Variants in ERBB4 observed in about 807,000 individuals in gnomAD.
The protein encoded by ERBB4 is receptor tyrosine-protein kinase erbB-4.
A neutral mutation model predicts 158.0 loss-of-function variants in ERBB4; 42 were observed. That is an observed-to-expected ratio of 0.27 (90% CI 0.21 to 0.34). ERBB4 has a LOEUF of 0.34. Ranked by LOEUF, ERBB4 falls within the 10% of genes least tolerant of loss-of-function variation. ERBB4 has a pLI of 1.00. For synonymous variants in ERBB4, 583 were observed against 558.7 expected, an observed-to-expected ratio of 1.04 and a Z score of -0.61; for missense variants, 1,333 against 1,624.1, an observed-to-expected ratio of 0.82 and a Z score of 3.08.
At chr2:211,668,728 T>C (rs192140078) in intron 14 of ERBB4, among the ~76,000 whole-genome samples, 85 of 152,298 alleles carry the variant, frequency 5.6e-4, no homozygotes, top group African/African-American at 1.9e-3. Context: ...AGAGATAAGA[T>C]ATGGCTTAAT....
chr2:212,399,900 A>G (rs1331346042), intron 1 of ERBB4, among the ~76,000 whole-genome samples: 1 of 151,818 alleles, frequency 6.6e-6, no homozygotes, highest in African/African-American at 2.4e-5. Context: ...AAAAACAAAC[A>G]AACAAAAAAC....
chr2:212,337,927 T>C (rs540406694), intron 1 of ERBB4, among the ~76,000 whole-genome samples: 1 of 152,188 alleles, frequency 6.6e-6, no homozygotes, highest in South Asian at 2.1e-4. Context: ...TCATAAATCT[T>C]CTCCGGGGAC....
At chr2:211,866,630 G>A (rs1054599299) in intron 3 of ERBB4, among the ~76,000 whole-genome samples, 8 of 151,968 alleles carry the variant, frequency 5.3e-5, no homozygotes, top group Non-Finnish European at 1.2e-4. Flanking sequence ...TATAAATGAA[G>A]ATTTTAATAA....
intron 1 of ERBB4, among the ~76,000 whole-genome samples, chr2:212,466,449 C>T (rs7575120): frequency 0.24 from 36,537 of 152,042 alleles, 4,678 homozygotes; most frequent in African/African-American, 0.28. Context: ...GACTGAATCA[C>T]GGGAGTGGGT....
At chr2:212,513,083 G>A (rs1691616760) in intron 1 of ERBB4, among the ~76,000 whole-genome samples, 1 of 152,048 alleles carries the variant, frequency 6.6e-6, no homozygotes. Context: ...GAGTTTTCCA[G>A]ACTTTAGTTA....
chr2:211,708,640 C>CTT lies in ERBB4; in HGVS notation c.1125-3250_1125-3249insAA, dbSNP rs1227291638. 1.4e-3 allele frequency among the ~76,000 whole-genome samples: 165 copies of CTT among 114,694 alleles called. 6 individuals carry two copies. The highest frequency in any genetic ancestry group is 6.9e-3 in the South Asian group (26 of 3,790). 75.2% of individuals were successfully genotyped at this position (114,694 alleles called of 152,430 possible). A position where few individuals can be genotyped will look rare whatever the true frequency, so the allele number is the denominator to read the frequency against. On this transcript the variant is annotated intron_variant, in intron 9 of 27. Coordinates refer to ENST00000342788, the MANE Select transcript of ERBB4 (RefSeq NM_005235.3). Reference sequence around the variant, plus strand: ...TCTCTCTCTCTCTCTCTCTCTCTCTCTCTCACTATCTTTCCCTCCTTCCCT... The same window carrying CTT: ...TCTCTCTCTCTCTCTCTCTCTCTCTCTTTCTCACTATCTTTCCCTCCTTCCCT...
At chr2:211,917,087 G>T (rs1186402206) in intron 3 of ERBB4, among the ~76,000 whole-genome samples, 1 of 152,136 alleles carries the variant, frequency 6.6e-6, no homozygotes, top group Non-Finnish European at 1.5e-5. Context: ...GGATTTTAAA[G>T]CCAAGATCCT....
At chr2:212,160,868 G>A (rs1462174912) in intron 1 of ERBB4, among the ~76,000 whole-genome samples, 1 of 151,930 alleles carries the variant, frequency 6.6e-6, no homozygotes, top group African/African-American at 2.4e-5. Flanking sequence ...GGGTAGGTTG[G>A]GGAAGGGGAA....
At chr2:211,550,516 G>T (rs76119799) in intron 20 of ERBB4, among the ~76,000 whole-genome samples, 5,637 of 149,040 alleles carry the variant, frequency 0.038, 151 homozygotes, top group Middle Eastern at 0.14. Context: ...TCTCCAGCTT[G>T]CCAGTTGCTT....
At position 212,011,239 on chromosome 2, in the gene ERBB4, A is replaced by C. The variant is rs1023185774; in HGVS notation, c.235-63623T>G. 2.0e-5 allele frequency among the ~76,000 whole-genome samples: 3 copies of C among 152,314 alleles called. No homozygotes were observed. The Middle Eastern group carries it at 0.01, about 518-fold the overall frequency. On this transcript the variant is annotated intron_variant, in intron 2 of 27. Coordinates refer to ENST00000342788, the MANE Select transcript of ERBB4 (RefSeq NM_005235.3). The stretch of plus-strand genomic sequence containing the variant: ...GGAATTGATAAATGTCCACGAAATC[A>C]TCACAATTTATGTCCCTCTGCCGTG...
rs764502475 is a variant in ERBB4 at position 211,630,442 on chromosome 2, A to G, written c.2079+20T>C. On this transcript the variant is annotated intron_variant, in intron 17 of 27. Coordinates refer to ENST00000342788, the MANE Select transcript of ERBB4 (RefSeq NM_005235.3). ...GATGAAAATCCCCAAACACATGAAG[A>G]GGAGAAAGAAATACCTCACCTCTGT... 5 of 1,613,022 alleles carry G rather than the reference A, an allele frequency of 3.1e-6. No individual in the cohort carries two copies. In the South Asian group the frequency reaches 5.5e-5, roughly 18 times the overall value.
intron 2 of ERBB4, among the ~76,000 whole-genome samples, chr2:212,028,790 C>A (rs1438376886): frequency 1.3e-5 from 2 of 152,040 alleles, no homozygotes; most frequent in African/African-American, 4.8e-5. Context: ...TGAGAGCATT[C>A]ATTTTTATAT....
At chr2:212,188,281 CT>C (rs2082090595) in intron 1 of ERBB4, among the ~76,000 whole-genome samples, 1 of 115,398 alleles carries the variant, frequency 8.7e-6, no homozygotes, top group East Asian at 3.5e-4. Context: ...CTCCCTCCCT[CT>C]TCTCTCCCTC....
At chr2:212,307,107 A>G (rs1264498733) in intron 1 of ERBB4, among the ~76,000 whole-genome samples, 2 of 151,308 alleles carry the variant, frequency 1.3e-5, no homozygotes, top group Non-Finnish European at 3.0e-5. Flanking sequence ...CTACATTCCA[A>G]TCAGAGCTCA....
At chr2:212,074,817 C>A (rs573754394) in intron 2 of ERBB4, among the ~76,000 whole-genome samples, 2 of 151,910 alleles carry the variant, frequency 1.3e-5, no homozygotes, top group South Asian at 2.1e-4. Flanking sequence ...CATTGTAAAA[C>A]GCTATCAAGT....
intron 1 of ERBB4, among the ~76,000 whole-genome samples, chr2:212,392,409 C>T (rs2090904556): frequency 6.6e-6 from 1 of 151,912 alleles, no homozygotes; most frequent in Non-Finnish European, 1.5e-5. Context: ...TAAGAAAAGG[C>T]ATACAAGAAA....
In ERBB4 at chr2:211,381,276, C is replaced by T. The variant is rs112569921; in HGVS notation, c.*2339G>A. On this transcript the variant is annotated 3_prime_UTR_variant, in exon 28 of 28. Coordinates refer to ENST00000342788, the MANE Select transcript of ERBB4 (RefSeq NM_005235.3). ...ACTCCAATGTCTCCAATATTCTTGGCCAAGGACCACCATCTGCTTTTGGTT... is the reference window on the plus strand; with the variant it reads ...ACTCCAATGTCTCCAATATTCTTGGTCAAGGACCACCATCTGCTTTTGGTT... The T allele has an allele frequency of 8.6e-6, 2 of 232,292 alleles. No homozygotes were observed. The highest frequency in any genetic ancestry group is 1.7e-5 in the Non-Finnish European group (2 of 117,478). The allele number at this position is 232,292 out of a possible 1,614,324, so 14.4% of individuals were successfully genotyped here.
intron 19 of ERBB4, among the ~76,000 whole-genome samples, chr2:211,575,503 T>C (rs1224071518): frequency 6.6e-6 from 1 of 152,208 alleles, no homozygotes; most frequent in Non-Finnish European, 1.5e-5. Flanking sequence ...TTTAGTAAAT[T>C]TGTTAATAAC....
intron 19 of ERBB4, among the ~76,000 whole-genome samples, chr2:211,591,913 T>C (rs1032957946): frequency 5.3e-5 from 8 of 150,824 alleles, no homozygotes; most frequent in African/African-American, 2.0e-4. Flanking sequence ...CTTGTTGAGG[T>C]TGTGTTGTTG....
Sources: gnomAD v4.1 joint callset for allele counts (sites outside exome capture counted in the v4.1 genomes callset) on GRCh38, gnomAD v4.1.1 for gene constraint, MANE v1.5 for transcripts, NCBI Gene and HGNC (gene_info 2026-07-23, HGNC 2026-07-21) for gene names.